The following NEK1 variants were observed in gnomAD, a reference collection of about 807,000 sequenced individuals.
The protein encoded by NEK1 is serine/threonine-protein kinase Nek1.
In NEK1, 137 loss-of-function variants were observed where a neutral mutation model predicts 182.1. That is an observed-to-expected ratio of 0.75 (90% CI 0.65 to 0.87). NEK1 has a LOEUF of 0.87. Ranked by LOEUF, NEK1 falls within the 40% of genes least tolerant of loss-of-function variation. The pLI, the probability that NEK1 is intolerant of heterozygous loss-of-function variation, is 0.00. For missense variants in NEK1, 1,391 were observed against 1,494.4 expected (o/e 0.93, Z 1.14); for synonymous variants, 513 against 492.2 (o/e 1.04, Z -0.56).
At chr4:169,476,492 AT>A (rs2149546188) in intron 26 of NEK1, among the ~76,000 whole-genome samples, 1 of 152,262 alleles carries the variant, frequency 6.6e-6, no homozygotes, top group Admixed American at 6.5e-5. Context: ...AATAAGCAAA[AT>A]AAATGCTATC....
chr4:169,610,729 G>T (rs538240285), intron 2 of NEK1, among the ~76,000 whole-genome samples: 1 of 152,172 alleles, frequency 6.6e-6, no homozygotes, highest in Non-Finnish European at 1.5e-5. Context: ...GATCAATCTG[G>T]AACACATACT....
chr4:169,474,836 T>A (rs1746656507), intron 26 of NEK1, among the ~76,000 whole-genome samples: 2 of 152,228 alleles, frequency 1.3e-5, no homozygotes, highest in South Asian at 4.1e-4. Flanking sequence ...GTTAAGGTCA[T>A]CATTAACTTC....
intron 28 of NEK1, among the ~76,000 whole-genome samples, chr4:169,436,324 T>C (rs578249272): frequency 6.6e-6 from 1 of 152,340 alleles, no homozygotes; most frequent in East Asian, 1.9e-4. Flanking sequence ...GTGCACTGGC[T>C]TTGGGACTGC....
chr4:169,400,161 A>C, intron 35 of NEK1, 64 bp downstream of exon 35: 1 of 1,441,940 alleles, frequency 6.9e-7, no homozygotes, highest in South Asian at 1.2e-5. Context: ...TGATTCATAT[A>C]CATGTATCAT....
chr4:169,588,817 C>A, intron 7 of NEK1, 82 bp from the exon 8 acceptor site: 3 of 831,474 alleles, frequency 3.6e-6, no homozygotes, highest in South Asian at 3.0e-5. Context: ...TACAGCAGAT[C>A]GCATATATGA....
At chr4:169,450,036 GA>G (rs766621640) in intron 27 of NEK1, among the ~76,000 whole-genome samples, 9 of 152,174 alleles carry the variant, frequency 5.9e-5, no homozygotes, top group Non-Finnish European at 1.0e-4. Context: ...ACACATGCAT[GA>G]GCTTAAATAG....
intron 33 of NEK1, 148 bp from the exon 34 acceptor site, chr4:169,400,799 T>G (rs1370733572): frequency 1.8e-6 from 1 of 562,218 alleles, no homozygotes; most frequent in East Asian, 3.2e-5. Context: ...ATTTTAATAT[T>G]TGTCCTTTAT....
At chr4:169,472,758 A>G (rs769797845) in intron 26 of NEK1, among the ~76,000 whole-genome samples, 2 of 152,190 alleles carry the variant, frequency 1.3e-5, no homozygotes, top group Non-Finnish European at 2.9e-5. Context: ...TTGTCCTCAC[A>G]TTCATTTATT....
chr4:169,406,501 G>T, intron 32 of NEK1, 95 bp downstream of exon 32: 1 of 811,188 alleles, frequency 1.2e-6, no homozygotes, highest in African/African-American at 1.8e-5. Context: ...AGAGGTTAAT[G>T]AGTTAAAAAA....
chr4:169,406,637 T>A lies in NEK1; in HGVS notation c.3333A>T (p.Glu1111Asp). ...RQDNLEIDEI[E>D]DENIKEGPSD... The stretch of plus-strand genomic sequence containing the variant: ...AAGGTCCTTCTTTAATGTTTTCATC[T>A]TCAATTTCATCTATTTCAAGATTGT... Residue 1111 changes from glutamate to aspartate, a missense_variant, in exon 32 of 36, where the codon GAA (glutamate) becomes GAT (aspartate). By Grantham distance (45) the Glu-to-Asp change is conservative. Around this residue, in one of 5 missense-constraint regions of NEK1, gnomAD observed 1,216 missense variants for 1,277.6 expected, o/e 0.95. Coordinates refer to ENST00000507142, the MANE Select transcript of NEK1 (RefSeq NM_001199397.3). 9 of 1,608,052 alleles carry A rather than the reference T, an allele frequency of 5.6e-6. No individual in the cohort carries two copies. Among genetic ancestry groups the A allele is most frequent in the Non-Finnish European group, 7.6e-6 (9 of 1,177,040 alleles).
chr4:169,567,988 A>G (rs1328133572), intron 12 of NEK1, among the ~76,000 whole-genome samples: 1 of 152,194 alleles, frequency 6.6e-6, no homozygotes, highest in Non-Finnish European at 1.5e-5. Flanking sequence ...GAAAACCAAC[A>G]CATTACTTGA....
At chr4:169,424,386 G>C (rs1412583205) in intron 31 of NEK1, among the ~76,000 whole-genome samples, 167 bp downstream of exon 31, 1 of 152,112 alleles carries the variant, frequency 6.6e-6, no homozygotes, top group Non-Finnish European at 1.5e-5. Flanking sequence ...CTTTATCCTA[G>C]TTGTACTCTC....
At chr4:169,575,918 A>T (rs191906846) in intron 12 of NEK1, among the ~76,000 whole-genome samples, 138 of 151,396 alleles carry the variant, frequency 9.1e-4, no homozygotes, top group African/African-American at 2.9e-3. Flanking sequence ...TTAAAAAAAA[A>T]ATTTTTTTAC....
chr4:169,554,757 T>G (rs1761928895), intron 18 of NEK1: 1 of 152,172 alleles, frequency 6.6e-6, no homozygotes, highest in Non-Finnish European at 1.5e-5. Context: ...TATACATTCG[T>G]CAAAAGCCAT....
At position 169,562,136 on chromosome 4, in the gene NEK1, C is replaced by A; in HGVS notation, c.1080+1G>T. 1 of 1,530,354 alleles carries A rather than the reference C, an allele frequency of 6.5e-7. No homozygotes were observed. The highest frequency in any genetic ancestry group is 8.8e-7 in the Non-Finnish European group (1 of 1,130,890). The allele number at this position is 1,530,354 out of a possible 1,614,324, so 94.8% of individuals were successfully genotyped here. A position where few individuals can be genotyped will look rare whatever the true frequency, so the allele number is the denominator to read the frequency against. ...AAATAACCAGACAGATGTCTTTATA[C>A]CTCAGATATTTTCCTCCTTTCTTCT... is the stretch of plus-strand genomic sequence containing the variant. On this transcript the variant is annotated splice_donor_variant, in intron 13 of 35. Coordinates refer to ENST00000507142, the MANE Select transcript of NEK1 (RefSeq NM_001199397.3). LOFTEE classifies it high-confidence loss of function.
intron 19 of NEK1, among the ~76,000 whole-genome samples, chr4:169,513,997 A>T (rs1247257629): frequency 1.3e-5 from 2 of 150,928 alleles, no homozygotes; most frequent in Admixed American, 6.6e-5. Flanking sequence ...TTATTTATTT[A>T]TTTTTTGAGA....
chr4:169,509,512 T>C (rs1412637440), intron 19 of NEK1, among the ~76,000 whole-genome samples: 2 of 150,718 alleles, frequency 1.3e-5, no homozygotes, highest in Admixed American at 1.3e-4. Flanking sequence ...TGAATGTGTA[T>C]TTTTTTTATT....
intron 6 of NEK1, among the ~76,000 whole-genome samples, chr4:169,589,957 A>C (rs376702560): frequency 6.6e-6 from 1 of 152,174 alleles, no homozygotes; most frequent in South Asian, 2.1e-4. Flanking sequence ...TTATCAAGAA[A>C]AGGGCTTGCA....
At chr4:169,503,627 A>T (rs1158582290) in intron 23 of NEK1, among the ~76,000 whole-genome samples, 3 of 152,026 alleles carry the variant, frequency 2.0e-5, no homozygotes, top group Non-Finnish European at 2.9e-5. Context: ...AGAAAAGACA[A>T]TCTCTTCAAT....
Sources: allele counts gnomAD v4.1 joint callset (sites outside exome capture counted in the v4.1 genomes callset), GRCh38; gene constraint gnomAD v4.1.1; regional missense constraint gnomAD v4.1.1; transcripts MANE v1.5; gene names NCBI Gene and HGNC (gene_info 2026-07-23, HGNC 2026-07-21).